Variants in CPED1 observed in about 807,000 individuals in gnomAD.
CPED1 encodes the protein cadherin-like and PC-esterase domain-containing protein 1.
A neutral mutation model predicts 128.2 loss-of-function variants in CPED1; 114 were observed. That is an observed-to-expected ratio of 0.89 (90% CI 0.76 to 1.04). CPED1 has a LOEUF of 1.04. Among genes scored for constraint, CPED1 ranks in the 50% least tolerant of loss-of-function variants. The probability of loss-of-function intolerance (pLI) is 0.00; values close to 1 mark genes in which losing one functional copy is unlikely to be tolerated. For synonymous variants in CPED1, 462 were observed against 426.7 expected (o/e 1.08, Z -1.02); for missense variants, 1,211 against 1,207.1 (o/e 1.00, Z -0.05).
intron 4 of CPED1, among the ~76,000 whole-genome samples, chr7:121,061,899 C>T (rs988626030): frequency 6.6e-6 from 1 of 152,088 alleles, no homozygotes; most frequent in African/African-American, 2.4e-5. Flanking sequence ...CTTCTTTGTG[C>T]TGTTATTTTA....
At chr7:121,283,917 CTGTT>C (rs1169255582) in intron 22 of CPED1, among the ~76,000 whole-genome samples, 1 of 152,210 alleles carries the variant, frequency 6.6e-6, no homozygotes, top group Non-Finnish European at 1.5e-5. Context: ...ATGAGTTATA[CTGTT>C]TAGTGAAACA....
chr7:121,050,704 A>G, intron 4 of CPED1: 2 of 415,510 alleles, frequency 4.8e-6, no homozygotes, highest in Non-Finnish European at 9.8e-6. Context: ...ACCTCAGGTG[A>G]TCCACCGCCT....
chr7:121,155,583 A>C lies in CPED1; in HGVS notation c.2055+13442A>C, dbSNP rs117763563. On this transcript the variant is annotated intron_variant, in intron 16 of 22. Coordinates refer to ENST00000310396, the MANE Select transcript of CPED1 (RefSeq NM_024913.5). ...ATTTACAGCCAATTCACTTTCACTT[A>C]AGATGCCACAAACATATAATGGGGA... 2.0e-5 allele frequency among the ~76,000 whole-genome samples: 3 copies of C among 152,350 alleles called. No individual in the cohort carries two copies. In the East Asian group the frequency reaches 5.8e-4, roughly 29 times the overall value.
intron 3 of CPED1, among the ~76,000 whole-genome samples, chr7:121,024,070 G>T (rs1792507197): frequency 6.6e-6 from 1 of 151,982 alleles, no homozygotes; most frequent in Non-Finnish European, 1.5e-5. Flanking sequence ...TATTTTACTG[G>T]GTTATGACAC....
chr7:121,007,936 T>G (rs769254746), intron 2 of CPED1, among the ~76,000 whole-genome samples: 4 of 151,790 alleles, frequency 2.6e-5, no homozygotes, highest in Non-Finnish European at 4.4e-5. Context: ...GGCATCCCTC[T>G]TATGGTTTAG....
At chr7:121,160,777 G>A (rs1040502553) in intron 16 of CPED1, among the ~76,000 whole-genome samples, 6 of 152,070 alleles carry the variant, frequency 3.9e-5, no homozygotes, top group Non-Finnish European at 7.4e-5. Flanking sequence ...AGAAGAAATG[G>A]GGTTTTGTAT....
At chr7:121,256,139 A>AC (rs1313520734) in intron 18 of CPED1, among the ~76,000 whole-genome samples, 5 of 148,848 alleles carry the variant, frequency 3.4e-5, no homozygotes, top group Non-Finnish European at 3.0e-5. Flanking sequence ...CAAAAAAAAA[A>AC]AACAAAGCTT....
chr7:121,055,524 C>A (rs919601880), intron 4 of CPED1, among the ~76,000 whole-genome samples: 40 of 151,290 alleles, frequency 2.6e-4, no homozygotes, highest in African/African-American at 9.0e-4. Flanking sequence ...GTATATTACA[C>A]AAACACTAAC....
Position 121,233,881 on chromosome 7 carries a change from A to G in CPED1, c.2056-2833A>G, listed in dbSNP as rs1044434525. Among the ~76,000 whole-genome samples the G allele has an allele frequency of 7.6e-4, 115 of 152,186 alleles. 1 individual carries two copies. The highest frequency in any genetic ancestry group is 4.0e-4 in the Non-Finnish European group (27 of 68,000). On this transcript the variant is annotated intron_variant, in intron 16 of 22. Transcript: ENST00000310396. ...TAGAGGTAGCTCCACAGCATCACCAATACCCTAGGCTCATTCTATTTTTTC... is the reference window on the plus strand; with the variant it reads ...TAGAGGTAGCTCCACAGCATCACCAGTACCCTAGGCTCATTCTATTTTTTC...
chr7:121,270,190 C>T (rs1266656576), intron 21 of CPED1, among the ~76,000 whole-genome samples: 2 of 152,018 alleles, frequency 1.3e-5, no homozygotes, highest in Non-Finnish European at 2.9e-5. Context: ...GACAAATATT[C>T]AAATCATATA....
chr7:121,072,758 T>C (rs1047747088), intron 5 of CPED1, among the ~76,000 whole-genome samples: 1 of 152,202 alleles, frequency 6.6e-6, no homozygotes, highest in African/African-American at 2.4e-5. Flanking sequence ...GCATATTGGT[T>C]TTAAAATGAA....
intron 18 of CPED1, 117 bp from the exon 19 acceptor site, chr7:121,266,110 G>A: frequency 1.4e-6 from 1 of 719,626 alleles, no homozygotes; most frequent in Non-Finnish European, 2.4e-6. Flanking sequence ...AATTTGAAGG[G>A]CTGTCCTTCA....
intron 12 of CPED1, 113 bp downstream of exon 12, chr7:121,130,407 C>T: frequency 1.3e-6 from 1 of 751,390 alleles, no homozygotes. Context: ...AAAGTGTGTC[C>T]AAATTTCCAT....
In CPED1 at chr7:121,130,204, G is replaced by A; in HGVS notation, c.1487G>A (p.Gly496Asp). 1 of 1,612,558 alleles carries A rather than the reference G, an allele frequency of 6.2e-7. No individual in the cohort carries two copies. The highest frequency in any genetic ancestry group is 8.5e-7 in the Non-Finnish European group (1 of 1,179,046). ...YDVANPVGNP[G>D]SVLTQYWSLL... The stretch of plus-strand genomic sequence containing the variant: ...GTGGCAAATCCTGTGGGAAATCCTG[G>A]CTCAGTCCTGACCCAATACTGGTCT... Residue 496 changes from glycine to aspartate, a missense_variant, in exon 12 of 23, where the codon GGC (glycine) becomes GAC (aspartate). Transcript: ENST00000310396.
chr7:120,998,822 T>G (rs190819383), intron 2 of CPED1, among the ~76,000 whole-genome samples: 26 of 152,190 alleles, frequency 1.7e-4, no homozygotes, highest in African/African-American at 6.0e-4. Flanking sequence ...TCCTTTTTTT[T>G]TTTTTTAAAG....
intron 16 of CPED1, among the ~76,000 whole-genome samples, chr7:121,176,692 G>T (rs1264378138): frequency 2.0e-5 from 3 of 152,006 alleles, no homozygotes; most frequent in Admixed American, 1.3e-4. Flanking sequence ...TTTTATAACA[G>T]CAATTATATC....
intron 16 of CPED1, among the ~76,000 whole-genome samples, chr7:121,198,934 T>C (rs1426304920): frequency 1.3e-5 from 2 of 152,152 alleles, no homozygotes; most frequent in Admixed American, 6.6e-5. Flanking sequence ...TCTGCTTTTT[T>C]CCCCTGCCCA....
intron 17 of CPED1, 64 bp downstream of exon 17, chr7:121,236,895 C>A: frequency 1.4e-6 from 1 of 719,658 alleles, no homozygotes; most frequent in African/African-American, 1.8e-5. Flanking sequence ...TAAGTGTATG[C>A]TTATTTAAAC....
At chr7:121,000,099 C>T (rs374860732) in intron 2 of CPED1, among the ~76,000 whole-genome samples, 8 of 152,092 alleles carry the variant, frequency 5.3e-5, no homozygotes, top group African/African-American at 1.4e-4. Context: ...AAAGGGCTTC[C>T]TGTTATCAAC....
Sources: gnomAD v4.1 joint callset for allele counts (sites outside exome capture counted in the v4.1 genomes callset) on GRCh38, gnomAD v4.1.1 for gene constraint, MANE v1.5 for transcripts, NCBI Gene and HGNC (gene_info 2026-07-23, HGNC 2026-07-21) for gene names.